The following GALNT10 variants were observed in gnomAD, a reference collection of about 807,000 sequenced individuals.
GALNT10 encodes polypeptide N-acetylgalactosaminyltransferase 10, also known as GalNAc transferase 10.
Under a neutral mutation model 75.0 loss-of-function variants are expected in GALNT10, and 41 were observed. The ratio of observed to expected loss-of-function variants is 0.55; its 90% CI spans 0.43 to 0.71. The LOEUF (loss-of-function observed/expected upper bound fraction) is 0.71, where lower values mean the gene tolerates loss of function less well. Ranked by LOEUF, GALNT10 falls within the 30% of genes least tolerant of loss-of-function variation. The probability of loss-of-function intolerance (pLI) is 0.00; values close to 1 mark genes in which losing one functional copy is unlikely to be tolerated. For missense variants in GALNT10, 727 were observed against 818.5 expected, an observed-to-expected ratio of 0.89 and a Z score of 1.36; for synonymous variants, 302 against 313.0, an observed-to-expected ratio of 0.96 and a Z score of 0.37.
chr5:154,314,934 C>T (rs1160820746), intron 3 of GALNT10, among the ~76,000 whole-genome samples: 1 of 151,912 alleles, frequency 6.6e-6, no homozygotes. Flanking sequence ...CTGTGAACTA[C>T]AAGTAATTGC....
At chr5:154,226,949 T>TA (rs35176270) in intron 1 of GALNT10, among the ~76,000 whole-genome samples, 6,761 of 145,252 alleles carry the variant, frequency 0.047, 185 homozygotes, top group African/African-American at 0.084. Context: ...ATGTACTCTT[T>TA]AAAAAAAAAA....
At chr5:154,217,425 T>G (rs2113652302) in intron 1 of GALNT10, among the ~76,000 whole-genome samples, 1 of 152,186 alleles carries the variant, frequency 6.6e-6, no homozygotes, top group South Asian at 2.1e-4. Context: ...AGGGAGACAG[T>G]GAGAGGGTGG....
chr5:154,373,921 C>T (rs153411), intron 4 of GALNT10, among the ~76,000 whole-genome samples: 40,016 of 151,986 alleles, frequency 0.26, 5,510 homozygotes, highest in Non-Finnish European at 0.31. Context: ...TGATTAGAGC[C>T]GGCCAGGGTG....
intron 1 of GALNT10, among the ~76,000 whole-genome samples, chr5:154,244,922 C>T (rs758584471): frequency 2.6e-5 from 4 of 152,150 alleles, no homozygotes; most frequent in Non-Finnish European, 5.9e-5. Flanking sequence ...AAGTGTGGAA[C>T]ATGGAGTTGA....
intron 1 of GALNT10, among the ~76,000 whole-genome samples, chr5:154,203,240 G>C (rs1436445935): frequency 6.6e-6 from 1 of 151,980 alleles, no homozygotes; most frequent in Non-Finnish European, 1.5e-5. Flanking sequence ...GTGTTTCTCT[G>C]TCTCTCCTTC....
intron 4 of GALNT10, among the ~76,000 whole-genome samples, chr5:154,372,269 G>C (rs1259726760): frequency 1.3e-5 from 2 of 152,152 alleles, no homozygotes; most frequent in African/African-American, 4.8e-5. Flanking sequence ...AATATTAAAG[G>C]ATTAAACAGG....
intron 1 of GALNT10, among the ~76,000 whole-genome samples, chr5:154,227,546 A>C (rs10079912): frequency 6.6e-6 from 1 of 152,108 alleles, no homozygotes; most frequent in African/African-American, 2.4e-5. Flanking sequence ...TTTATATTCT[A>C]TATACAAGTA....
rs190874172 is a variant in GALNT10, at chr5:154,246,860, T to C, written c.160-47956T>C. On this transcript the variant is annotated intron_variant, in intron 1 of 11. Coordinates refer to ENST00000297107, the MANE Select transcript of GALNT10 (RefSeq NM_198321.4). ...TGGCTTTTGTTGCCATTGCTTTTGG[T>C]GTTTTAGACATGAAGTCCTTGCCCA... 8.1e-4 allele frequency among the ~76,000 whole-genome samples: 124 copies of C among 152,340 alleles called. 2 individuals are homozygous for C. In the East Asian group the frequency reaches 0.021, roughly 26 times the overall value.
chr5:154,241,928 G>C (rs1753342475), intron 1 of GALNT10, among the ~76,000 whole-genome samples: 1 of 152,150 alleles, frequency 6.6e-6, no homozygotes, highest in Non-Finnish European at 1.5e-5. Context: ...ACTTAGAAGT[G>C]GCATTAAGAG....
intron 4 of GALNT10, among the ~76,000 whole-genome samples, chr5:154,331,746 G>A (rs1167701159): frequency 6.6e-6 from 1 of 151,904 alleles, no homozygotes; most frequent in Non-Finnish European, 1.5e-5. Context: ...TTTCTGTAGG[G>A]AAGAAGATTT....
At chr5:154,408,195 T>C (rs1452083536) in intron 8 of GALNT10, among the ~76,000 whole-genome samples, 1 of 152,204 alleles carries the variant, frequency 6.6e-6, no homozygotes, top group Non-Finnish European at 1.5e-5. Context: ...CCTAAGTATT[T>C]ACTATCCGGC....
chr5:154,192,813 C>T (rs893328069), intron 1 of GALNT10, among the ~76,000 whole-genome samples: 3 of 152,138 alleles, frequency 2.0e-5, no homozygotes, highest in South Asian at 2.1e-4. Flanking sequence ...TAGTGCTTGA[C>T]ATTCTGCCTC....
intron 1 of GALNT10, among the ~76,000 whole-genome samples, chr5:154,280,348 T>C (rs1179558073): frequency 1.3e-5 from 2 of 152,152 alleles, no homozygotes; most frequent in Non-Finnish European, 2.9e-5. Context: ...TATAGCACTG[T>C]AGGATGACTG....
intron 1 of GALNT10, among the ~76,000 whole-genome samples, chr5:154,202,256 G>T (rs1379570904): frequency 6.6e-6 from 1 of 152,312 alleles, no homozygotes; most frequent in Middle Eastern, 3.4e-3. Flanking sequence ...AGGAGTGGGG[G>T]TCCCTCTGCC....
At chr5:154,411,486 C>T (rs537617662) in intron 9 of GALNT10, among the ~76,000 whole-genome samples, 60 of 152,336 alleles carry the variant, frequency 3.9e-4, no homozygotes, top group Non-Finnish European at 7.4e-4. Context: ...ATGGACACTA[C>T]GGCTGGCCAC....
chr5:154,355,649 T>C (rs1305353303), intron 4 of GALNT10, among the ~76,000 whole-genome samples: 1 of 150,812 alleles, frequency 6.6e-6, no homozygotes, highest in African/African-American at 2.5e-5. Flanking sequence ...ATCCTATTTA[T>C]GGAGAATCTC....
intron 3 of GALNT10, among the ~76,000 whole-genome samples, chr5:154,316,972 G>C (rs890944754): frequency 6.6e-6 from 1 of 152,144 alleles, no homozygotes; most frequent in Non-Finnish European, 1.5e-5. Flanking sequence ...CCATCTCCAA[G>C]AACAGCCAGC....
chr5:154,406,656 G>T (rs997923408), intron 8 of GALNT10, among the ~76,000 whole-genome samples: 1 of 152,162 alleles, frequency 6.6e-6, no homozygotes, highest in Non-Finnish European at 1.5e-5. Flanking sequence ...AATTAGCCAG[G>T]CGTGGTGGTG....
chr5:154,353,814 C>G (rs375937985), intron 4 of GALNT10, among the ~76,000 whole-genome samples: 33 of 152,312 alleles, frequency 2.2e-4, no homozygotes, highest in African/African-American at 7.7e-4. Flanking sequence ...CTCTGTGATG[C>G]CTTCCCCATC....
Sources: allele counts gnomAD v4.1 joint callset (sites outside exome capture counted in the v4.1 genomes callset), GRCh38; gene constraint gnomAD v4.1.1; transcripts MANE v1.5; gene names NCBI Gene and HGNC (gene_info 2026-07-23, HGNC 2026-07-21).